Variants in CDK12 observed in about 807,000 individuals in gnomAD.
The protein encoded by CDK12 is cyclin dependent kinase 12, also known as cyclin-dependent kinase 12.
In CDK12, 17 loss-of-function variants were observed where a neutral mutation model predicts 133.8. That is an observed-to-expected ratio of 0.13 (90% confidence interval 0.09 to 0.19). The LOEUF (loss-of-function observed/expected upper bound fraction) is 0.19. Ranked by LOEUF, CDK12 falls within the 10% of genes least tolerant of loss-of-function variation. The probability of loss-of-function intolerance (pLI) is 1.00; values close to 1 mark genes in which losing one functional copy is unlikely to be tolerated. For synonymous variants in CDK12, 694 were observed against 683.6 expected, an observed-to-expected ratio of 1.02 and a Z score of -0.24; for missense variants, 1,508 against 1,818.7, an observed-to-expected ratio of 0.83 and a Z score of 3.11.
intron 11 of CDK12, among the ~76,000 whole-genome samples, chr17:39,521,101 T>C (rs993337118): frequency 6.6e-6 from 1 of 152,126 alleles, no homozygotes; most frequent in Non-Finnish European, 1.5e-5. Context: ...CACCTCGGCC[T>C]CCCAAAGTGC....
chr17:39,544,365 G>A, upstream of CDK12: 1 of 485,124 alleles, frequency 2.1e-6, no homozygotes, highest in Non-Finnish European at 4.1e-6. Context: ...AGCCAGGTAG[G>A]GGCCTAAAGC....
At chr17:39,497,847 C>G (rs2052249607) in intron 5 of CDK12, among the ~76,000 whole-genome samples, 1 of 152,002 alleles carries the variant, frequency 6.6e-6, no homozygotes, top group South Asian at 2.1e-4. Context: ...TCAAGCAGTC[C>G]TCTTGCCTTG....
intron 3 of CDK12, among the ~76,000 whole-genome samples, chr17:39,562,750 C>T (rs886239381): frequency 2.6e-5 from 4 of 152,052 alleles, no homozygotes; most frequent in African/African-American, 9.7e-5. Context: ...CCATAAAAAT[C>T]GAGGGTAGGC....
In CDK12 at chr17:39,530,703, C is replaced by A. The variant is rs750674097; in HGVS notation, c.3860C>A (p.Ser1287Tyr). ...PPPPLVEGDL[S>Y]SAPQELNPAV... ...CCCCCTCTGGTTGAAGGCGATCTTT[C>A]CAGCGCCCCCCAGGAGTTGAACCCA... Residue 1287 changes from serine (S) to tyrosine (Y), a missense_variant, in exon 14 of 14, where the codon TCC becomes TAC. Transcript: ENST00000447079. 1 of 1,566,254 alleles carries A rather than the reference C, an allele frequency of 6.4e-7. No homozygotes were observed. The highest frequency in any genetic ancestry group is 1.4e-5 in the African/African-American group (1 of 73,536).
chr17:39,526,490 T>G (rs1159020496), intron 13 of CDK12, among the ~76,000 whole-genome samples, 174 bp downstream of exon 13: 1 of 152,232 alleles, frequency 6.6e-6, no homozygotes, highest in Admixed American at 6.5e-5. Flanking sequence ...CTTCTTTTAT[T>G]TAAGTCTCAA....
intron 11 of CDK12, 40 bp from the exon 12 acceptor site, chr17:39,524,634 A>G (rs1469423982): frequency 2.0e-6 from 3 of 1,535,268 alleles, no homozygotes; most frequent in Admixed American, 1.7e-5. Context: ...TCACTGCTGC[A>G]TTCCCTTACA....
intron 2 of CDK12, among the ~76,000 whole-genome samples, chr17:39,482,599 A>ATTTTTTTCTTT (rs2050801857): frequency 1.3e-5 from 1 of 74,392 alleles, no homozygotes; most frequent in Non-Finnish European, 2.6e-5. Flanking sequence ...AATCAACTAC[A>ATTTTTTTCTTT]TTTTTTTTTT....
At chr17:39,510,925 T>A (rs2053462325) in intron 7 of CDK12, among the ~76,000 whole-genome samples, 1 of 137,980 alleles carries the variant, frequency 7.2e-6, no homozygotes, top group African/African-American at 2.6e-5. Flanking sequence ...TTTTCTTTTT[T>A]TTTTAATAGG....
chr17:39,536,837 G>A (rs148989864), downstream of CDK12, among the ~76,000 whole-genome samples: 518 of 152,292 alleles, frequency 3.4e-3, no homozygotes, highest in Non-Finnish European at 4.6e-3. Flanking sequence ...TAGTTTGTTA[G>A]TGGACCATTC....
At chr17:39,514,872 C>G (rs1345301982) in intron 8 of CDK12, among the ~76,000 whole-genome samples, 2 of 152,114 alleles carry the variant, frequency 1.3e-5, no homozygotes, top group Admixed American at 6.6e-5. Flanking sequence ...TTTGTAATCC[C>G]TTTCCTCTAC....
At chr17:39,515,145 A>G (rs1233156192) in intron 8 of CDK12, among the ~76,000 whole-genome samples, 5 of 152,096 alleles carry the variant, frequency 3.3e-5, no homozygotes, top group African/African-American at 1.2e-4. Context: ...CTGGGAGGCA[A>G]AGGTTGCAGT....
intron 7 of CDK12, among the ~76,000 whole-genome samples, chr17:39,510,794 G>A (rs1310266644): frequency 1.3e-5 from 2 of 151,524 alleles, no homozygotes; most frequent in Non-Finnish European, 2.9e-5. Flanking sequence ...TGTATTTTTA[G>A]TGGAGATGGG....
chr17:39,503,019 C>T (rs1345430051), intron 6 of CDK12, among the ~76,000 whole-genome samples: 2 of 152,106 alleles, frequency 1.3e-5, no homozygotes, highest in African/African-American at 4.8e-5. Context: ...GTAGAGGTTA[C>T]AGTGAGCCGA....
rs2146692057 is a variant in CDK12, at chr17:39,524,896, G to A, written c.3307+11G>A. ...CTGGGGATGCAATAGGTCAGTGCCA[G>A]AATGGGGCCTTTGTGCTTTTGCTAA... is the stretch of plus-strand genomic sequence containing the variant. On this transcript the variant is annotated intron_variant, in intron 12 of 13. Coordinates refer to ENST00000447079, the MANE Select transcript of CDK12 (RefSeq NM_016507.4). 1 of 1,598,582 alleles carries A rather than the reference G, an allele frequency of 6.3e-7. No individual in the cohort carries two copies. Among genetic ancestry groups the A allele is most frequent in the Non-Finnish European group, 8.5e-7 (1 of 1,170,370 alleles).
chr17:39,561,460 T>C (rs998612371), intron 3 of CDK12, among the ~76,000 whole-genome samples: 3 of 152,194 alleles, frequency 2.0e-5, no homozygotes, highest in African/African-American at 4.8e-5. Context: ...GTGCTGACTT[T>C]ACCACCGTTC....
At chr17:39,500,407 C>T (rs1466618308) in intron 5 of CDK12, among the ~76,000 whole-genome samples, 1 of 151,616 alleles carries the variant, frequency 6.6e-6, no homozygotes, top group Non-Finnish European at 1.5e-5. Flanking sequence ...CTAAGGCAGG[C>T]GGATCACCTG....
At position 39,532,447 on chromosome 17, in the gene CDK12, A is replaced by G. The variant is rs1373098933; in HGVS notation, c.*1131A>G. 4.3e-6 allele frequency: 1 copy of G among 231,354 alleles called. No individual in the cohort carries two copies. The highest frequency in any genetic ancestry group is 8.5e-6 in the Non-Finnish European group (1 of 117,312). The allele number at this position is 231,354 out of a possible 1,614,324, so 14.3% of individuals were successfully genotyped here. On this transcript the variant is annotated 3_prime_UTR_variant, in exon 14 of 14. Transcript: ENST00000447079. ...ACAGCATTTAGCATATTGTTTACAC[A>G]TATATTTTTATGTCAAAAAAAAAAC...
At chr17:39,467,127 C>T (rs750038105) in intron 1 of CDK12, among the ~76,000 whole-genome samples, 6 of 151,940 alleles carry the variant, frequency 3.9e-5, no homozygotes, top group Middle Eastern at 3.4e-3. Flanking sequence ...TACAGGCGCG[C>T]GTCACCATGC....
intron 6 of CDK12, among the ~76,000 whole-genome samples, chr17:39,509,360 A>G (rs1007858888): frequency 6.6e-6 from 1 of 152,216 alleles, no homozygotes; most frequent in African/African-American, 2.4e-5. Context: ...TATTTAATCT[A>G]GCACGTTCTA....
Sources: allele counts gnomAD v4.1 joint callset (sites outside exome capture counted in the v4.1 genomes callset), GRCh38; gene constraint gnomAD v4.1.1; transcripts MANE v1.5; gene names NCBI Gene and HGNC (gene_info 2026-07-23, HGNC 2026-07-21).